COLQ: variants seen among roughly 807,000 people sequenced by gnomAD.
COLQ encodes the protein acetylcholinesterase collagenic tail peptide.
In COLQ, 48 loss-of-function variants were observed where a neutral mutation model predicts 69.0. That is an observed-to-expected ratio of 0.70 (90% CI 0.55 to 0.88). The LOEUF is 0.88. Among genes scored for constraint, COLQ ranks in the 40% least tolerant of loss-of-function variants. The pLI is 0.00. For synonymous variants in COLQ, 217 were observed against 211.2 expected, an observed-to-expected ratio of 1.03 and a Z score of -0.24; for missense variants, 618 against 594.6, an observed-to-expected ratio of 1.04 and a Z score of -0.41.
At chr3:15,499,244 G>A (rs1375289476) in intron 1 of COLQ, among the ~76,000 whole-genome samples, 2 of 152,196 alleles carry the variant, frequency 1.3e-5, no homozygotes, top group South Asian at 2.1e-4. Flanking sequence ...CCAGTTACAT[G>A]CTTAAATCTA....
At chr3:15,518,397 C>A (rs796723942) in intron 1 of COLQ, among the ~76,000 whole-genome samples, 1 of 152,204 alleles carries the variant, frequency 6.6e-6, no homozygotes, top group Non-Finnish European at 1.5e-5. Context: ...TTTCAAGTCA[C>A]GGACTATCTA....
At chr3:15,470,839 T>C (rs1362466100) in intron 10 of COLQ, among the ~76,000 whole-genome samples, 1 of 152,170 alleles carries the variant, frequency 6.6e-6, no homozygotes, top group East Asian at 1.9e-4. Flanking sequence ...TCTGAGTGGG[T>C]TATCTGTTAC....
chr3:15,489,121 C>T (rs569264305), intron 2 of COLQ, among the ~76,000 whole-genome samples: 18 of 152,314 alleles, frequency 1.2e-4, no homozygotes, highest in Middle Eastern at 3.4e-3. Flanking sequence ...CTCATGGAAA[C>T]GGTCTGTGTT....
At chr3:15,519,889 C>A (rs2063112995) in intron 1 of COLQ, among the ~76,000 whole-genome samples, 2 of 152,180 alleles carry the variant, frequency 1.3e-5, no homozygotes, top group African/African-American at 4.8e-5. Context: ...TTTATTCATT[C>A]ATTCATCAAA....
rs148105071 is a variant in COLQ, at chr3:15,519,176, A to C, written c.106+2344T>G. ...GCTGGTTACCTTAGTGATTCCCGCT[A>C]GGTCTATTCCATTGTTTTCCCTAAT... On this transcript the variant is annotated intron_variant, in intron 1 of 16. Coordinates refer to ENST00000383788, the MANE Select transcript of COLQ (RefSeq NM_005677.4). Among the ~76,000 whole-genome samples the C allele has an allele frequency of 4.8e-4, 73 of 152,154 alleles. 2 individuals carry two copies. Among genetic ancestry groups the C allele is most frequent in the Non-Finnish European group, 2.8e-4 (19 of 68,016 alleles).
rs558627654 is a variant in COLQ, at chr3:15,486,774, G to A, written c.321+1432C>T. ...TACGGAGAACCTATACCAACCCCGT[G>A]CACTGTTGTAGACAGGGAATATAAT... is the stretch of plus-strand genomic sequence containing the variant. On this transcript the variant is annotated intron_variant, in intron 3 of 16. Coordinates refer to ENST00000383788, the MANE Select transcript of COLQ (RefSeq NM_005677.4). 1.4e-4 allele frequency among the ~76,000 whole-genome samples: 21 copies of A among 152,290 alleles called. No individual in the cohort carries two copies. In the South Asian group the frequency reaches 2.3e-3, roughly 17 times the overall value.
In COLQ at chr3:15,473,940, G is replaced by T. The variant is rs1011699247; in HGVS notation, c.636+60C>A. 4 of 1,567,690 alleles carry T rather than the reference G, an allele frequency of 2.6e-6. No homozygotes were observed. The highest frequency in any genetic ancestry group is 3.5e-6 in the Non-Finnish European group (4 of 1,138,782). ...ACAAGGAGGCAGAGTTCTTTTTGTT[G>T]TGCTTGGAGGACCTGATATTTTTAT... On this transcript the variant is annotated intron_variant, in intron 10 of 16. Transcript: ENST00000383788. This position sits in a 1 kb window ranked among gnomAD's most constrained non-coding sequence, Gnocchi z 4.0.
chr3:15,521,371 A>G, intron 1 of COLQ, 149 bp downstream of exon 1: 1 of 1,020,858 alleles, frequency 9.8e-7, no homozygotes, highest in South Asian at 1.4e-5. Flanking sequence ...CTCGGGTGAC[A>G]GGAAGCTGCT....
intron 1 of COLQ, among the ~76,000 whole-genome samples, chr3:15,493,425 C>T (rs1406242359): frequency 1.3e-5 from 2 of 152,366 alleles, no homozygotes; most frequent in Admixed American, 1.3e-4. Context: ...ATTTCTCTCA[C>T]CTTCCTCGAT....
At chr3:15,498,891 A>C in intron 1 of COLQ, 1 of 1,335,620 alleles carries the variant, frequency 7.5e-7, no homozygotes, top group Non-Finnish European at 9.6e-7. Context: ...GAGCCCAGGG[A>C]TACTTATCCC....
chr3:15,503,026 G>T (rs1321459426), intron 1 of COLQ, among the ~76,000 whole-genome samples: 1 of 152,222 alleles, frequency 6.6e-6, no homozygotes, highest in Non-Finnish European at 1.5e-5. Flanking sequence ...ATTGGGGTCA[G>T]AGTTCCAAAG....
chr3:15,468,321 G>GTT (rs540716062), intron 11 of COLQ, among the ~76,000 whole-genome samples: 12,225 of 71,310 alleles, frequency 0.17, 2,516 homozygotes, highest in South Asian at 0.29. Flanking sequence ...AGTTACTGAA[G>GTT]TTTTTTTTTT....
At chr3:15,484,206 T>C (rs1400639601) in intron 3 of COLQ, among the ~76,000 whole-genome samples, 1 of 151,968 alleles carries the variant, frequency 6.6e-6, no homozygotes, top group Non-Finnish European at 1.5e-5. Flanking sequence ...CATTTACCCA[T>C]TTACATTTAA....
chr3:15,458,404 G>A (rs1307920261), intron 12 of COLQ, 79 bp from the exon 13 acceptor site: 3 of 1,536,320 alleles, frequency 2.0e-6, no homozygotes, highest in Admixed American at 1.7e-5. Flanking sequence ...AGCGACCTTT[G>A]CAACAGAAAA....
At chr3:15,515,431 G>A (rs1378814756) in intron 1 of COLQ, among the ~76,000 whole-genome samples, 1 of 152,140 alleles carries the variant, frequency 6.6e-6, no homozygotes, top group Non-Finnish European at 1.5e-5. Flanking sequence ...TTGTGAAAGT[G>A]CTTTGTAAAA....
rs73146180 is a variant in COLQ, at chr3:15,503,288, C to T, written c.107-13651G>A. Among the ~76,000 whole-genome samples the T allele has an allele frequency of 4.9e-3, 748 of 152,310 alleles. 5 individuals are homozygous for T. Among genetic ancestry groups the T allele is most frequent in the African/African-American group, 0.016 (684 of 41,552 alleles). On this transcript the variant is annotated intron_variant, in intron 1 of 16. Coordinates refer to ENST00000383788, the MANE Select transcript of COLQ (RefSeq NM_005677.4). Reference sequence around the variant, plus strand: ...AACATTCCCTCCAAAATGTGTGCTCCCTCTTCCATAGGCCAGAGTGAGCCC... The same window carrying T: ...AACATTCCCTCCAAAATGTGTGCTCTCTCTTCCATAGGCCAGAGTGAGCCC...
intron 12 of COLQ, among the ~76,000 whole-genome samples, chr3:15,462,761 C>G (rs1205900544): frequency 6.6e-6 from 1 of 152,144 alleles, no homozygotes. Flanking sequence ...GGTGATCCAT[C>G]CTGTTAGGGG....
chr3:15,473,923 G>A lies in COLQ; in HGVS notation c.636+77C>T. 3 of 1,474,562 alleles carry A rather than the reference G, an allele frequency of 2.0e-6. No individual in the cohort carries two copies. The highest frequency in any genetic ancestry group is 2.3e-5 in the South Asian group (2 of 87,104). The allele number at this position is 1,474,562 out of a possible 1,614,324, so 91.3% of individuals were successfully genotyped here. A position where few individuals can be genotyped will look rare whatever the true frequency, so the allele number is the denominator to read the frequency against. ...CCATCCCTGCCTGATAGACAAGGAG[G>A]CAGAGTTCTTTTTGTTGTGCTTGGA... On this transcript the variant is annotated intron_variant, in intron 10 of 16. Coordinates refer to ENST00000383788, the MANE Select transcript of COLQ (RefSeq NM_005677.4). This position sits in a 1 kb window ranked among gnomAD's most constrained non-coding sequence, Gnocchi z 4.0.
intron 1 of COLQ, among the ~76,000 whole-genome samples, chr3:15,514,310 G>A (rs1343041831): frequency 6.6e-6 from 1 of 151,888 alleles, no homozygotes; most frequent in Non-Finnish European, 1.5e-5. Context: ...ATGGTCCACC[G>A]ACCAGCAGCA....
Sources: gnomAD v4.1 joint callset for allele counts (sites outside exome capture counted in the v4.1 genomes callset) on GRCh38, gnomAD v4.1.1 for gene constraint, Gnocchi (gnomAD v3.1) non-coding constraint, MANE v1.5 for transcripts, NCBI Gene and HGNC (gene_info 2026-07-23, HGNC 2026-07-21) for gene names.